The following RNF213 variants were observed in gnomAD, a reference collection of about 807,000 sequenced individuals.
The protein encoded by RNF213 is ring finger protein 213.
In RNF213, 341 loss-of-function variants were observed where a neutral mutation model predicts 514.4. The observed-to-expected ratio is 0.66, with a 90% CI of 0.61 to 0.73. The LOEUF is 0.73. Ranked by LOEUF, RNF213 falls within the 30% of genes least tolerant of loss-of-function variation. The pLI is 0.00. For synonymous variants in RNF213, 2,655 were observed against 2,658.2 expected (o/e 1.00, Z 0.04); for missense variants, 5,767 against 6,615.6 (o/e 0.87, Z 4.45).
In RNF213 at chr17:80,328,587, A is replaced by C. The variant is rs78602072; in HGVS notation, c.3517+110A>C. 5.1e-3 allele frequency: 6,183 copies of C among 1,205,848 alleles called. 247 individuals are homozygous for C. The African/African-American group carries it at 0.083, about 16-fold the overall frequency. 74.7% of individuals were successfully genotyped at this position (1,205,848 alleles called of 1,614,324 possible). A position where few individuals can be genotyped will look rare whatever the true frequency, so the allele number is the denominator to read the frequency against. On this transcript the variant is annotated intron_variant, in intron 20 of 67. Transcript: ENST00000582970. ...CTTTATTTTGGAGAGAAGGCTTTAAAATTTTTTTTTTAATTTGCATTTGCT... is the reference window on the plus strand; with the variant it reads ...CTTTATTTTGGAGAGAAGGCTTTAACATTTTTTTTTTAATTTGCATTTGCT...
rs747073002 is a variant in RNF213 at position 80,386,428 on chromosome 17, C to T, written c.14718C>T (p.Asn4906=). ...TGGAAAAACTCTCCAAGGAAAACAA[C>T]AGGTTTGTGCACGAGCCACCAGGAA... The part of the protein sequence containing the change: ...YAVEKLSKEN[N]SYSVDAAEVT... Residue 4906 remains asparagine (N), a splice_region_variant and synonymous_variant, in exon 62 of 68, where the codon AAC becomes AAT. Coordinates refer to ENST00000582970, the MANE Select transcript of RNF213 (RefSeq NM_001256071.3). 2 of 1,614,122 alleles carry T rather than the reference C, an allele frequency of 1.2e-6. No homozygotes were observed. Among genetic ancestry groups the T allele is most frequent in the South Asian group, 1.1e-5 (1 of 91,086 alleles).
chr17:80,280,507 G>A (rs771126061), intron 3 of RNF213, among the ~76,000 whole-genome samples: 8 of 152,174 alleles, frequency 5.3e-5, no homozygotes, highest in African/African-American at 1.4e-4. Context: ...AGGCTGGAGC[G>A]CAGTGGCAAA....
intron 12 of RNF213, 138 bp downstream of exon 12, chr17:80,306,606 C>G (rs2045367372): frequency 5.9e-6 from 5 of 846,926 alleles, no homozygotes; most frequent in South Asian, 2.9e-5. Context: ...AATCCCAGCA[C>G]TTTGGGAGGC....
chr17:80,388,340 G>A (rs945776473), intron 63 of RNF213, among the ~76,000 whole-genome samples: 1 of 152,200 alleles, frequency 6.6e-6, no homozygotes, highest in Non-Finnish European at 1.5e-5. Flanking sequence ...ACAAATACCT[G>A]TTGCCCTAGC....
rs748290042 is a variant in RNF213 at position 80,306,346 on chromosome 17, C to T, written c.2305C>T (p.His769Tyr). 3 of 1,614,146 alleles carry T rather than the reference C, an allele frequency of 1.9e-6. No individual in the cohort carries two copies. The highest frequency in any genetic ancestry group is 8.5e-7 in the Non-Finnish European group (1 of 1,180,040). ...RSWFSLLPLS[H>Y]LVMYMENFIE... Reference sequence around the variant, plus strand: ...CTGGTTTAGTCTGCTACCTCTGAGTCACCTGGTTATGTATATGGAAAACTT... The same window carrying T: ...CTGGTTTAGTCTGCTACCTCTGAGTTACCTGGTTATGTATATGGAAAACTT... Residue 769 changes from histidine (H) to tyrosine (Y), a missense_variant, in exon 12 of 68, where the codon CAC (histidine) becomes TAC (tyrosine). Physicochemically the swap from His to Tyr is moderately conservative, Grantham distance 83. Transcript: ENST00000582970.
Position 80,265,044 on chromosome 17 carries a change from G to GTTTT in RNF213, c.97+1280_97+1283dup, listed in dbSNP as rs55814957. ...AGCCCCAGTCCTTCCATGTTTGTTT[G>GTTTT]TTTTTTTTTTTTTTTTTAGAGGGAG... On this transcript the variant is annotated intron_variant, in intron 2 of 67. Transcript: ENST00000582970. 1.2e-3 allele frequency among the ~76,000 whole-genome samples: 132 copies of GTTTT among 110,852 alleles called. 1 individual carries two copies. Among genetic ancestry groups the GTTTT allele is most frequent in the East Asian group, 8.2e-3 (32 of 3,910 alleles). 72.7% of individuals were successfully genotyped at this position (110,852 alleles called of 152,430 possible).
intron 3 of RNF213, among the ~76,000 whole-genome samples, chr17:80,280,418 A>T (rs79554822): frequency 0.01 from 1,596 of 152,288 alleles, 36 homozygotes; most frequent in African/African-American, 0.037. Flanking sequence ...TAATTAATGT[A>T]TAACAGTAGT....
intron 67 of RNF213, among the ~76,000 whole-genome samples, chr17:80,392,452 G>A (rs1038421694): frequency 2.0e-5 from 3 of 152,158 alleles, no homozygotes; most frequent in Non-Finnish European, 2.9e-5. Flanking sequence ...TCATGTGAAG[G>A]GGCCAGCACA....
chr17:80,390,748 GT>G (rs2080433113), intron 67 of RNF213, among the ~76,000 whole-genome samples: 1 of 152,116 alleles, frequency 6.6e-6, no homozygotes, highest in Admixed American at 6.5e-5. Flanking sequence ...TCAAAGAGAG[GT>G]ACATTTTAAA....
Position 80,381,121 on chromosome 17 carries a change from A to G in RNF213, c.13797+134A>G, listed in dbSNP as rs917113024. The G allele has an allele frequency of 1.2e-5, 11 of 927,424 alleles. No individual in the cohort carries two copies. The African/African-American group carries it at 1.8e-4, about 15-fold the overall frequency. The allele number at this position is 927,424 out of a possible 1,614,324, so 57.4% of individuals were successfully genotyped here. A position where few individuals can be genotyped will look rare whatever the true frequency, so the allele number is the denominator to read the frequency against. Reference sequence around the variant, plus strand: ...ATAATTAGTCTACAAAGTAATATACAAGTTATACATCTTCATGTTTCCCCC... The same window carrying G: ...ATAATTAGTCTACAAAGTAATATACGAGTTATACATCTTCATGTTTCCCCC... On this transcript the variant is annotated intron_variant, in intron 56 of 67. Transcript: ENST00000582970.
At chr17:80,276,421 T>C (rs1442207495) in intron 3 of RNF213, among the ~76,000 whole-genome samples, 1 of 152,196 alleles carries the variant, frequency 6.6e-6, no homozygotes, top group Non-Finnish European at 1.5e-5. Context: ...TATTTTTTAA[T>C]GTTTTAAATT....
chr17:80,354,796 A>C, intron 36 of RNF213: 1 of 603,474 alleles, frequency 1.7e-6, no homozygotes, highest in Non-Finnish European at 2.9e-6. Context: ...TTTCGTGTTT[A>C]CAGTTTTTCA....
intron 26 of RNF213, among the ~76,000 whole-genome samples, chr17:80,342,389 A>G (rs935863786): frequency 3.3e-5 from 5 of 152,100 alleles, no homozygotes; most frequent in African/African-American, 1.2e-4. Flanking sequence ...GTGAGTAGGT[A>G]ACGGCTGGGA....
At chr17:80,274,382 G>A (rs931016032) in intron 3 of RNF213, among the ~76,000 whole-genome samples, 3 of 150,486 alleles carry the variant, frequency 2.0e-5, no homozygotes, top group South Asian at 2.1e-4. Flanking sequence ...AGAATGGTTG[G>A]AAGAGAAGGG....
chr17:80,386,661 A>G, intron 62 of RNF213, 29 bp from the exon 63 acceptor site: 1 of 1,611,868 alleles, frequency 6.2e-7, no homozygotes. Flanking sequence ...CCTGGCCTGG[A>G]CGCTGAGCGC....
Position 80,319,733 on chromosome 17 carries a change from G to A in RNF213, c.3024+421G>A, listed in dbSNP as rs1310830049. ...AGCAAAATATGTGAAATGGAAAATT[G>A]TATCAATTTATTTAGCTCTTTTCGG... is the stretch of plus-strand genomic sequence containing the variant. On this transcript the variant is annotated intron_variant, in intron 17 of 67. Coordinates refer to ENST00000582970, the MANE Select transcript of RNF213 (RefSeq NM_001256071.3). 5.0e-6 allele frequency: 7 copies of A among 1,393,030 alleles called. No homozygotes were observed. The Admixed American group carries it at 1.2e-4, about 23-fold the overall frequency. 86.3% of individuals were successfully genotyped at this position (1,393,030 alleles called of 1,614,324 possible).
intron 49 of RNF213, among the ~76,000 whole-genome samples, chr17:80,374,231 G>A (rs1045276982): frequency 1.3e-5 from 2 of 152,192 alleles, no homozygotes; most frequent in Non-Finnish European, 2.9e-5. Flanking sequence ...CCCAGGTAGC[G>A]CTGCCGTCGG....
Position 80,339,614 on chromosome 17 carries a change from G to T in RNF213, c.5247G>T (p.Gly1749=). The change falls in exon 26 of 68, where the codon GGG becomes GGT. Residue 1749 remains glycine (G), a synonymous_variant. Coordinates refer to ENST00000582970, the MANE Select transcript of RNF213 (RefSeq NM_001256071.3). The part of the protein sequence containing the change: ...RDVLRASVGC[G]SEAARYRMRR... ...TCTTAAGGGCCTCTGTGGGGTGTGG[G>T]AGTGAGGCCGCCAGGTACCGCATGA... is the stretch of plus-strand genomic sequence containing the variant. The T allele has an allele frequency of 1.3e-6, 2 of 1,537,202 alleles. No homozygotes were observed. The highest frequency in any genetic ancestry group is 1.7e-6 in the Non-Finnish European group (2 of 1,146,890).
chr17:80,346,261 G>A lies in RNF213; in HGVS notation c.7926G>A (p.Glu2642=), dbSNP rs145448552. The change falls in exon 29 of 68, where the codon GAG becomes GAA. Residue 2642 remains glutamate (E), a synonymous_variant. Transcript: ENST00000582970. This position sits in a 1 kb window ranked among gnomAD's most constrained non-coding sequence, Gnocchi z 8.1. The part of the protein sequence containing the change: ...ECSFVSLRDV[E]RCVKVFRWFH... ...GCTTTGTCAGCCTCAGGGACGTGGA[G>A]CGCTGTGTGAAAGTTTTCAGGTGGT... 1 of 1,614,156 alleles carries A rather than the reference G, an allele frequency of 6.2e-7. No homozygotes were observed. The highest frequency in any genetic ancestry group is 1.3e-5 in the African/African-American group (1 of 75,038).
Sources: allele counts gnomAD v4.1 joint callset (sites outside exome capture counted in the v4.1 genomes callset), GRCh38; gene constraint gnomAD v4.1.1; non-coding constraint Gnocchi (gnomAD v3.1); transcripts MANE v1.5; gene names NCBI Gene and HGNC (gene_info 2026-07-23, HGNC 2026-07-21).